Variants in SLCO3A1 observed in about 807,000 individuals in gnomAD.
SLCO3A1 encodes the protein PGE1 transporter.
In SLCO3A1, 27 loss-of-function variants were observed where a neutral mutation model predicts 63.1. That is an observed-to-expected ratio of 0.43 (90% CI 0.32 to 0.59). The LOEUF is 0.59. Ranked by LOEUF, SLCO3A1 falls within the 20% of genes least tolerant of loss-of-function variation. The pLI is 0.09. For synonymous variants in SLCO3A1, 473 were observed against 409.9 expected, an observed-to-expected ratio of 1.15 and a Z score of -1.86; for missense variants, 773 against 945.8, an observed-to-expected ratio of 0.82 and a Z score of 2.40.
At chr15:92,069,019 A>C (rs1314272400) in intron 2 of SLCO3A1, among the ~76,000 whole-genome samples, 1 of 152,160 alleles carries the variant, frequency 6.6e-6, no homozygotes, top group Admixed American at 6.5e-5. Flanking sequence ...AGGGAGACAA[A>C]GAGAAATAAG....
At chr15:92,049,225 T>C (rs2046927682) in intron 2 of SLCO3A1, among the ~76,000 whole-genome samples, 1 of 152,210 alleles carries the variant, frequency 6.6e-6, no homozygotes, top group South Asian at 2.1e-4. Context: ...TGGCCTCTGC[T>C]ACCCTCCCTG....
At chr15:92,131,142 TA>T (rs1419682086) in intron 7 of SLCO3A1, among the ~76,000 whole-genome samples, 1 of 152,094 alleles carries the variant, frequency 6.6e-6, no homozygotes, top group Admixed American at 6.5e-5. Flanking sequence ...GGCCATGCAA[TA>T]GGAAGTGGGG....
At chr15:91,895,651 A>T (rs1300246060) in intron 1 of SLCO3A1, among the ~76,000 whole-genome samples, 6 of 152,200 alleles carry the variant, frequency 3.9e-5, no homozygotes, top group Non-Finnish European at 8.8e-5. Flanking sequence ...AGTTCTTAAT[A>T]ATCTGTCTCA....
Position 91,894,622 on chromosome 15 carries a change from C to T in SLCO3A1, c.181-21371C>T, listed in dbSNP as rs903723043. On this transcript the variant is annotated intron_variant, in intron 1 of 9. Coordinates refer to ENST00000318445, the MANE Select transcript of SLCO3A1 (RefSeq NM_013272.4). The surrounding 1 kb of genome is among the most constrained non-coding windows in gnomAD (Gnocchi z 4.8). Reference sequence around the variant, plus strand: ...AGTGGGGCTGAAGACCCGTGTAGCCCGAGGCAGCATTTTTGACTTGAATGT... The same window carrying T: ...AGTGGGGCTGAAGACCCGTGTAGCCTGAGGCAGCATTTTTGACTTGAATGT... Among the ~76,000 whole-genome samples the T allele has an allele frequency of 6.6e-6, 1 of 152,044 alleles. No homozygotes were observed. The highest frequency in any genetic ancestry group is 2.4e-5 in the African/African-American group (1 of 41,396).
chr15:91,982,070 T>C (rs2045994938), intron 2 of SLCO3A1, among the ~76,000 whole-genome samples: 1 of 152,276 alleles, frequency 6.6e-6, no homozygotes, highest in Non-Finnish European at 1.5e-5. Context: ...AGGTGAGGAC[T>C]CTGCTTCAGC....
At chr15:92,016,251 A>AGATT (rs1555424445) in intron 2 of SLCO3A1, among the ~76,000 whole-genome samples, 3 of 52,180 alleles carry the variant, frequency 5.7e-5, no homozygotes, top group South Asian at 5.4e-4. Context: ...ATAGATAGAT[A>AGATT]GATTAGATAG....
intron 2 of SLCO3A1, among the ~76,000 whole-genome samples, chr15:92,024,523 C>T (rs1396816448): frequency 1.3e-5 from 2 of 152,196 alleles, no homozygotes; most frequent in African/African-American, 2.4e-5. Flanking sequence ...GTGTGACGTT[C>T]GTGTGTATGT....
intron 2 of SLCO3A1, among the ~76,000 whole-genome samples, chr15:92,066,337 C>A (rs889769970): frequency 4.5e-4 from 68 of 152,212 alleles, no homozygotes; most frequent in African/African-American, 1.6e-3. Context: ...CTCTAAGCCT[C>A]AGTACCCTCA....
At chr15:91,869,387 T>G (rs1897240064) in intron 1 of SLCO3A1, among the ~76,000 whole-genome samples, 1 of 151,778 alleles carries the variant, frequency 6.6e-6, no homozygotes, top group African/African-American at 2.4e-5. Flanking sequence ...AATAAAAAAA[T>G]TAGCCAGGCA....
At chr15:91,932,856 C>G (rs1899283022) in intron 2 of SLCO3A1, among the ~76,000 whole-genome samples, 1 of 152,320 alleles carries the variant, frequency 6.6e-6, no homozygotes, top group East Asian at 1.9e-4. Context: ...GGGCACTGAT[C>G]TTTAATTGGT....
chr15:91,886,178 T>A lies in SLCO3A1; in HGVS notation c.181-29815T>A, dbSNP rs749802355. Reference sequence around the variant, plus strand: ...TCCCTTTCTTGAGTGTGTCCTGCGCTTCCCCTTGGTCTCCCTTAGTTGTGC... The same window carrying A: ...TCCCTTTCTTGAGTGTGTCCTGCGCATCCCCTTGGTCTCCCTTAGTTGTGC... On this transcript the variant is annotated intron_variant, in intron 1 of 9. Coordinates refer to ENST00000318445, the MANE Select transcript of SLCO3A1 (RefSeq NM_013272.4). This position sits in a 1 kb window ranked among gnomAD's most constrained non-coding sequence, Gnocchi z 4.9. Among the ~76,000 whole-genome samples the A allele has an allele frequency of 6.6e-6, 1 of 152,212 alleles. No individual in the cohort carries two copies. The highest frequency in any genetic ancestry group is 1.5e-5 in the Non-Finnish European group (1 of 68,042).
At position 91,950,569 on chromosome 15, in the gene SLCO3A1, G is replaced by T. The variant is rs2151410496; in HGVS notation, c.646+34111G>T. On this transcript the variant is annotated intron_variant, in intron 2 of 9. Coordinates refer to ENST00000318445, the MANE Select transcript of SLCO3A1 (RefSeq NM_013272.4). The surrounding 1 kb of genome is among the most constrained non-coding windows in gnomAD (Gnocchi z 4.4). ...GCTGCAGGCTCCATAATGTCATCCG[G>T]TCTTTCTAGCCTCCTAAGAATGAGG... Among the ~76,000 whole-genome samples the T allele has an allele frequency of 6.6e-6, 1 of 152,364 alleles. No homozygotes were observed. Among genetic ancestry groups the T allele is most frequent in the Admixed American group, 6.5e-5 (1 of 15,306 alleles).
chr15:91,971,216 A>T (rs905970925), intron 2 of SLCO3A1, among the ~76,000 whole-genome samples: 2 of 151,768 alleles, frequency 1.3e-5, no homozygotes, highest in Non-Finnish European at 2.9e-5. Flanking sequence ...TAACACAGTG[A>T]AACTCCATCT....
intron 2 of SLCO3A1, among the ~76,000 whole-genome samples, chr15:91,920,805 T>C (rs1898817692): frequency 6.6e-6 from 1 of 152,210 alleles, no homozygotes; most frequent in African/African-American, 2.4e-5. Flanking sequence ...CCTATCCCTC[T>C]TCCATATTTT....
At chr15:92,107,591 G>C (rs1441759732) in intron 4 of SLCO3A1, among the ~76,000 whole-genome samples, 1 of 152,226 alleles carries the variant, frequency 6.6e-6, no homozygotes, top group Admixed American at 6.5e-5. Context: ...ACATAGAACT[G>C]ACATTGCTCC....
chr15:92,057,593 A>G (rs1329188182), intron 2 of SLCO3A1, among the ~76,000 whole-genome samples: 1 of 152,204 alleles, frequency 6.6e-6, no homozygotes, highest in African/African-American at 2.4e-5. Context: ...GATTTTCCTC[A>G]GGCCCCACCT....
chr15:92,116,526 CG>C (rs754997343), intron 4 of SLCO3A1, among the ~76,000 whole-genome samples: 3 of 152,182 alleles, frequency 2.0e-5, no homozygotes, highest in Non-Finnish European at 4.4e-5. Context: ...AATCGGTAGG[CG>C]GGGGGTACAT....
intron 1 of SLCO3A1, among the ~76,000 whole-genome samples, chr15:91,908,167 T>C (rs1898371531): frequency 6.6e-6 from 1 of 152,150 alleles, no homozygotes; most frequent in Non-Finnish European, 1.5e-5. Flanking sequence ...CCAGTTAATA[T>C]GAAACTCAAA....
chr15:92,023,172 A>G (rs979798619), intron 2 of SLCO3A1, among the ~76,000 whole-genome samples: 1 of 152,134 alleles, frequency 6.6e-6, no homozygotes, highest in Non-Finnish European at 1.5e-5. Flanking sequence ...CGCTAAAGCC[A>G]CCTCGAGGAT....
Sources: allele counts gnomAD v4.1 joint callset (sites outside exome capture counted in the v4.1 genomes callset), GRCh38; gene constraint gnomAD v4.1.1; non-coding constraint Gnocchi (gnomAD v3.1); transcripts MANE v1.5; gene names NCBI Gene and HGNC (gene_info 2026-07-23, HGNC 2026-07-21).